TPPP: variants seen among roughly 807,000 people sequenced by gnomAD.
The protein encoded by TPPP is tubulin polymerization promoting protein.
In TPPP, 6 loss-of-function variants were observed where a neutral mutation model predicts 15.5. That is an observed-to-expected ratio of 0.39 (90% CI 0.21 to 0.77). TPPP has a LOEUF of 0.77. Ranked by LOEUF, TPPP falls within the 30% of genes least tolerant of loss-of-function variation. TPPP has a pLI of 0.42. For missense variants in TPPP, 269 were observed against 307.2 expected (o/e 0.88, Z 0.93); for synonymous variants, 146 against 133.9 (o/e 1.09, Z -0.63).
At chr5:669,240 C>T (rs937422727) in intron 2 of TPPP, among the ~76,000 whole-genome samples, 16 of 152,034 alleles carry the variant, frequency 1.1e-4, no homozygotes, top group East Asian at 7.8e-4. Context: ...GGCCATAGGG[C>T]GCTGTTGTCC....
intron 1 of TPPP, among the ~76,000 whole-genome samples, chr5:679,104 T>A (rs1276101622): frequency 6.6e-6 from 1 of 152,164 alleles, no homozygotes; most frequent in Non-Finnish European, 1.5e-5. Context: ...CACAGGTAGG[T>A]GTCCCAACCC....
At chr5:679,280 G>A (rs1333077683) in intron 1 of TPPP, among the ~76,000 whole-genome samples, 5 of 152,156 alleles carry the variant, frequency 3.3e-5, no homozygotes. Context: ...CTCCACTGAG[G>A]ACCTTAAGGG....
intron 2 of TPPP, among the ~76,000 whole-genome samples, chr5:670,661 A>G (rs1275562953): frequency 6.6e-6 from 1 of 152,018 alleles, no homozygotes; most frequent in Non-Finnish European, 1.5e-5. Context: ...CCGAGTTCTC[A>G]CTGCTCCAGG....
At chr5:670,878 G>C (rs973801434) in intron 2 of TPPP, among the ~76,000 whole-genome samples, 1 of 152,214 alleles carries the variant, frequency 6.6e-6, no homozygotes, top group Non-Finnish European at 1.5e-5. Context: ...CCTGGGGGCA[G>C]GTGAGGTGAT....
At chr5:677,074 C>T (rs775540442) in intron 2 of TPPP, among the ~76,000 whole-genome samples, 10 of 152,150 alleles carry the variant, frequency 6.6e-5, no homozygotes, top group Non-Finnish European at 8.8e-5. Context: ...AACGCGCACA[C>T]GTGCACACGA....
At chr5:673,354 G>T (rs1740288190) in intron 2 of TPPP, among the ~76,000 whole-genome samples, 1 of 152,254 alleles carries the variant, frequency 6.6e-6, no homozygotes, top group African/African-American at 2.4e-5. Context: ...CCCCCGAGGG[G>T]AGTCCAAGCT....
At chr5:676,270 A>G (rs1740427175) in intron 2 of TPPP, 1 of 152,290 alleles carries the variant, frequency 6.6e-6, no homozygotes. Context: ...AACATGCACG[A>G]CCCAGGAGAC....
chr5:675,536 G>GCTGC (rs1740400699), intron 2 of TPPP, among the ~76,000 whole-genome samples: 1 of 130,022 alleles, frequency 7.7e-6, no homozygotes, highest in African/African-American at 2.7e-5. Flanking sequence ...TGTGGCCGGG[G>GCTGC]ATGCCGTGTG....
intron 1 of TPPP, 24 bp from the exon 2 acceptor site, chr5:678,088 G>T (rs769554780): frequency 9.8e-5 from 145 of 1,484,864 alleles, no homozygotes; most frequent in Non-Finnish European, 1.3e-4. Context: ...AGAGGAGAAA[G>T]GTGTCACCCG....
upstream of TPPP, chr5:693,413 T>G (rs1279276718): frequency 8.3e-6 from 1 of 120,480 alleles, no homozygotes; most frequent in Non-Finnish European, 1.7e-5. Flanking sequence ...CCCAGCCCGG[T>G]CCCGGGCCCG....
At chr5:693,597 G>T (rs1740958297), upstream of TPPP, among the ~76,000 whole-genome samples, 1 of 151,764 alleles carries the variant, frequency 6.6e-6, no homozygotes, top group Non-Finnish European at 1.5e-5. Flanking sequence ...CTCAGCGCAG[G>T]GCGCGGCCGA....
chr5:667,901 C>T (rs1174591123), intron 2 of TPPP, among the ~76,000 whole-genome samples: 2 of 74,256 alleles, frequency 2.7e-5, no homozygotes, highest in Non-Finnish European at 4.8e-5. Context: ...GCCGTGTGGG[C>T]GCCGTCAGGG....
rs1739559556 is a variant in TPPP, at chr5:660,795, T to C, written c.*4307A>G. 1 of 152,330 alleles carries C rather than the reference T, an allele frequency of 6.6e-6. No homozygotes were observed. The highest frequency in any genetic ancestry group is 6.5e-5 in the Admixed American group (1 of 15,288). 9.4% of individuals were successfully genotyped at this position (152,330 alleles called of 1,614,324 possible). A position where few individuals can be genotyped will look rare whatever the true frequency, so the allele number is the denominator to read the frequency against. ...GGCCGCAGCAGCCCAGGATGGGGGC[T>C]GGGGTAGGAGGTGATGCCCACGCAG... On this transcript the variant is annotated 3_prime_UTR_variant, in exon 4 of 4. Transcript: ENST00000360578.
At chr5:694,372 G>T (rs1358839836), upstream of TPPP, among the ~76,000 whole-genome samples, 3 of 125,736 alleles carry the variant, frequency 2.4e-5, no homozygotes, top group African/African-American at 7.6e-5. Flanking sequence ...ACTTTCAGCT[G>T]GACTCTTCCA....
At chr5:683,118 C>T (rs1740671572) in intron 1 of TPPP, among the ~76,000 whole-genome samples, 1 of 152,000 alleles carries the variant, frequency 6.6e-6, no homozygotes, top group African/African-American at 2.4e-5. Flanking sequence ...GCAGCTTCTC[C>T]AGCTGCACCC....
chr5:672,016 T>C (rs1456843273), intron 2 of TPPP, among the ~76,000 whole-genome samples: 2 of 152,222 alleles, frequency 1.3e-5, no homozygotes, highest in African/African-American at 4.8e-5. Flanking sequence ...CACACAGTGC[T>C]CTGAGGACCT....
intron 1 of TPPP, among the ~76,000 whole-genome samples, chr5:688,581 C>G (rs1432832915): frequency 6.6e-6 from 1 of 151,992 alleles, no homozygotes; most frequent in Non-Finnish European, 1.5e-5. Flanking sequence ...ACGGCTGGCA[C>G]TAGAACTGCA....
At chr5:671,393 G>A (rs945568231) in intron 2 of TPPP, among the ~76,000 whole-genome samples, 5 of 152,018 alleles carry the variant, frequency 3.3e-5, no homozygotes, top group South Asian at 2.1e-4. Flanking sequence ...CCAGGGGCTC[G>A]GCTGCCTCCA....
rs370221297 is a variant in TPPP, at chr5:666,021, G to T, written c.414C>A (p.Arg138=). ...FKDKSSEEAV[R]EVHRLIEGKA... ...TGCCCTCGATGAGCCTGTGCACCTCGCGAACGGCCTCCTCGCTGCTCTTGT... is the reference window on the plus strand; with the variant it reads ...TGCCCTCGATGAGCCTGTGCACCTCTCGAACGGCCTCCTCGCTGCTCTTGT... Residue 138 remains arginine (R), a synonymous_variant, in exon 3 of 4, where the codon CGC becomes CGA. Transcript: ENST00000360578. The T allele has an allele frequency of 2.9e-5, 46 of 1,592,670 alleles. No homozygotes were observed. Among genetic ancestry groups the T allele is most frequent in the Non-Finnish European group, 3.7e-5 (43 of 1,169,844 alleles).
Sources: allele counts gnomAD v4.1 joint callset (sites outside exome capture counted in the v4.1 genomes callset), GRCh38; gene constraint gnomAD v4.1.1; transcripts MANE v1.5; gene names NCBI Gene and HGNC (gene_info 2026-07-23, HGNC 2026-07-21).